Variants in USH2A observed in about 807,000 individuals in gnomAD.
USH2A encodes the protein usherin, also known as Usher syndrome 2A (autosomal recessive, mild).
USH2A carries 443 observed loss-of-function variants against 538.9 expected under a neutral mutation model. That is an observed-to-expected ratio of 0.82 (90% confidence interval 0.76 to 0.89). The LOEUF is 0.89. Ranked by LOEUF, USH2A falls within the 40% of genes least tolerant of loss-of-function variation. USH2A has a pLI of 0.00. For missense variants in USH2A, 6,633 were observed against 6,324.8 expected (o/e 1.05, Z -1.65); for synonymous variants, 2,413 against 2,273.5 (o/e 1.06, Z -1.75).
At chr1:215,978,352 C>T (rs1412261345) in intron 35 of USH2A, among the ~76,000 whole-genome samples, 1 of 152,096 alleles carries the variant, frequency 6.6e-6, no homozygotes, top group Non-Finnish European at 1.5e-5. Context: ...CCACTCTGGT[C>T]ACTACTCTTG....
chr1:215,949,617 G>T (rs1317275480), intron 37 of USH2A, among the ~76,000 whole-genome samples: 1 of 151,926 alleles, frequency 6.6e-6, no homozygotes, highest in Non-Finnish European at 1.5e-5. Context: ...CTCAGAAACA[G>T]GCAGCATCAT....
chr1:216,288,440 TAATG>T (rs2036931795), intron 11 of USH2A, among the ~76,000 whole-genome samples: 1 of 152,176 alleles, frequency 6.6e-6, no homozygotes, highest in South Asian at 2.1e-4. Flanking sequence ...AAGCAATTTT[TAATG>T]AATTCTCAAA....
chr1:216,369,059 A>C (rs762971462), intron 3 of USH2A, among the ~76,000 whole-genome samples: 6 of 152,216 alleles, frequency 3.9e-5, no homozygotes, highest in Admixed American at 6.5e-5. Flanking sequence ...AAGAAATTCA[A>C]ACAAAAAGAA....
chr1:216,227,243 G>A (rs2035580437), intron 14 of USH2A, among the ~76,000 whole-genome samples: 1 of 152,130 alleles, frequency 6.6e-6, no homozygotes, highest in Non-Finnish European at 1.5e-5. Flanking sequence ...TAACATGTAT[G>A]TACCACACAT....
At chr1:215,786,196 T>A (rs768676595) in intron 52 of USH2A, among the ~76,000 whole-genome samples, 4 of 152,206 alleles carry the variant, frequency 2.6e-5, no homozygotes, top group Non-Finnish European at 4.4e-5. Flanking sequence ...GTTATTCTTT[T>A]GGAGATGACC....
chr1:215,930,730 A>G (rs551632816), intron 38 of USH2A, among the ~76,000 whole-genome samples: 12 of 152,046 alleles, frequency 7.9e-5, no homozygotes, highest in Admixed American at 3.3e-4. Context: ...CTGAATGCTG[A>G]ATTCCATGCA....
At chr1:215,810,515 A>T (rs970597000) in intron 49 of USH2A, among the ~76,000 whole-genome samples, 1 of 152,166 alleles carries the variant, frequency 6.6e-6, no homozygotes, top group Non-Finnish European at 1.5e-5. Context: ...AGTTTGTTGC[A>T]AATCATAACA....
At chr1:216,116,043 A>G (rs933981487) in intron 21 of USH2A, among the ~76,000 whole-genome samples, 1 of 151,892 alleles carries the variant, frequency 6.6e-6, no homozygotes, top group Non-Finnish European at 1.5e-5. Context: ...GTAGTTATAA[A>G]AATATTTTTA....
intron 9 of USH2A, among the ~76,000 whole-genome samples, chr1:216,320,424 C>A (rs865971981): frequency 2.6e-5 from 4 of 152,300 alleles, no homozygotes; most frequent in South Asian, 4.1e-4. Flanking sequence ...TGCAAACAGA[C>A]TAATACACCA....
chr1:215,851,060 T>C (rs928098529), intron 44 of USH2A, among the ~76,000 whole-genome samples: 3 of 152,040 alleles, frequency 2.0e-5, no homozygotes, highest in Non-Finnish European at 4.4e-5. Context: ...AAGAGGAAAG[T>C]TCATAGTCTT....
chr1:215,995,686 G>T (rs1668118736), intron 34 of USH2A, among the ~76,000 whole-genome samples: 1 of 152,126 alleles, frequency 6.6e-6, no homozygotes, highest in Admixed American at 6.5e-5. Context: ...CAAGGTCTTT[G>T]AAAGCCTGAG....
In USH2A at chr1:215,782,882, T is replaced by A; in HGVS notation, c.10441A>T (p.Ser3481Cys). 6.2e-7 allele frequency: 1 copy of A among 1,613,886 alleles called. No homozygotes were observed. The highest frequency in any genetic ancestry group is 8.5e-7 in the Non-Finnish European group (1 of 1,179,876). ...GCTTTGCTGAGTCCTCGCCCATAGCTGTTCCAGGCAGAAATCCTGTACTCA... is the reference window on the plus strand; with the variant it reads ...GCTTTGCTGAGTCCTCGCCCATAGCAGTTCCAGGCAGAAATCCTGTACTCA... ...TYEYRISAWN[S>C]YGRGLSKAVR... Residue 3481 changes from serine to cysteine, a missense_variant, in exon 53 of 72, where the codon AGC (serine) becomes TGC (cysteine). Ser to Cys is a moderately radical substitution (Grantham distance 112). Transcript: ENST00000307340.
chr1:215,674,665 G>A lies in USH2A; in HGVS notation c.13246C>T (p.Gln4416Ter). 6.2e-7 allele frequency: 1 copy of A among 1,614,100 alleles called. No individual in the cohort carries two copies. Among genetic ancestry groups the A allele is most frequent in the Non-Finnish European group, 8.5e-7 (1 of 1,180,018 alleles). Residue 4416 changes from glutamine (Q) to a stop codon, truncating the protein, a stop_gained, in exon 63 of 72, where the codon CAG becomes TAG. Coordinates refer to ENST00000307340, the MANE Select transcript of USH2A (RefSeq NM_206933.4). LOFTEE classifies it high-confidence loss of function. ...CAGGCTACAAGGGAGAAGTTATACT[G>A]AGAGTAAGGCTGCAGGTGGGAAACC... ...LLVSHLQPYS[Q>*]YNFSLVACTN...
At chr1:216,117,664 T>C (rs745368493) in intron 21 of USH2A, among the ~76,000 whole-genome samples, 8 of 152,086 alleles carry the variant, frequency 5.3e-5, no homozygotes, top group Non-Finnish European at 8.8e-5. Flanking sequence ...TTTAAGTGTT[T>C]TAGCTAATAC....
chr1:216,353,269 A>G (rs1300241392), intron 4 of USH2A, among the ~76,000 whole-genome samples: 1 of 152,136 alleles, frequency 6.6e-6, no homozygotes, highest in East Asian at 1.9e-4. Context: ...TACACTAATC[A>G]ATATGATTAT....
At chr1:216,089,247 T>A in intron 22 of USH2A, 108 bp from the exon 23 acceptor site, 1 of 1,190,028 alleles carries the variant, frequency 8.4e-7, no homozygotes, top group Non-Finnish European at 1.2e-6. Context: ...ATGATCCTGA[T>A]ACAAGCATGC....
intron 69 of USH2A, among the ~76,000 whole-genome samples, chr1:215,637,583 G>C (rs1260255154): frequency 6.6e-6 from 1 of 152,140 alleles, no homozygotes; most frequent in Non-Finnish European, 1.5e-5. Context: ...AATGAGATCT[G>C]TTCTATCCTA....
chr1:215,751,350 C>T (rs1239509172), intron 58 of USH2A, among the ~76,000 whole-genome samples: 1 of 152,040 alleles, frequency 6.6e-6, no homozygotes, highest in Non-Finnish European at 1.5e-5. Context: ...AAAGGAAAAG[C>T]ACCAGTATTT....
intron 46 of USH2A, among the ~76,000 whole-genome samples, chr1:215,840,786 G>A (rs549091024): frequency 2.6e-5 from 4 of 152,114 alleles, no homozygotes; most frequent in South Asian, 2.1e-4. Flanking sequence ...CAGCTTTCCC[G>A]AACACTGGTC....
Sources: allele counts gnomAD v4.1 joint callset (sites outside exome capture counted in the v4.1 genomes callset), GRCh38; gene constraint gnomAD v4.1.1; transcripts MANE v1.5; gene names NCBI Gene and HGNC (gene_info 2026-07-23, HGNC 2026-07-21).